The following GUCY2D variants were observed in gnomAD, a reference collection of about 807,000 sequenced individuals.
GUCY2D encodes the protein retinal guanylyl cyclase 1.
GUCY2D carries 70 observed loss-of-function variants against 101.3 expected under a neutral mutation model. That is an observed-to-expected ratio of 0.69 (90% CI 0.57 to 0.84). The LOEUF is 0.84. GUCY2D is among the 40% of genes least tolerant of loss of function. The pLI is 0.00. For missense variants in GUCY2D, 1,460 were observed against 1,542.5 expected (o/e 0.95, Z 0.90); for synonymous variants, 688 against 670.7 (o/e 1.03, Z -0.40).
At chr17:8,006,825 C>A in intron 4 of GUCY2D, 111 bp downstream of exon 4, 2 of 1,033,950 alleles carry the variant, frequency 1.9e-6, no homozygotes, top group Non-Finnish European at 2.9e-6. Context: ...CCCTTCTAGG[C>A]CCTCTCCCAG....
chr17:8,015,623 T>G, intron 15 of GUCY2D, 120 bp from the exon 16 acceptor site: 1 of 1,179,050 alleles, frequency 8.5e-7, no homozygotes, highest in Non-Finnish European at 1.2e-6. Flanking sequence ...GAGGATGCAC[T>G]TAACAAGGCT....
chr17:8,005,669 C>T (rs1975722964), intron 3 of GUCY2D, among the ~76,000 whole-genome samples: 1 of 152,218 alleles, frequency 6.6e-6, no homozygotes. Flanking sequence ...CTGCAGCTCC[C>T]TCAGTTTCCC....
intron 4 of GUCY2D, 102 bp from the exon 5 acceptor site, chr17:8,006,958 C>A: frequency 1.0e-6 from 1 of 985,740 alleles, no homozygotes; most frequent in Non-Finnish European, 1.6e-6. Flanking sequence ...TCTGGGCCCC[C>A]ATCCCCCTTT....
Position 8,007,956 on chromosome 17 carries a change from T to G in GUCY2D, c.1592T>G (p.Leu531Arg). Residue 531 changes from leucine to arginine, a missense_variant, in exon 7 of 20, where the codon CTG (leucine) becomes CGG (arginine). By Grantham distance (102) the Leu-to-Arg change is moderately radical. This residue lies in a region of GUCY2D where 1,196 missense variants were observed against 1,229.6 expected (regional missense o/e 0.97). Coordinates refer to ENST00000254854, the MANE Select transcript of GUCY2D (RefSeq NM_000180.4). ...GTGGCCCAGGGGAGTCGATCAAGTCTGGGTGCCCGCAGCATGTCAGACATT... is the reference window on the plus strand; with the variant it reads ...GTGGCCCAGGGGAGTCGATCAAGTCGGGGTGCCCGCAGCATGTCAGACATT... Reference protein sequence around the residue: ...RKVAQGSRSSLGARSMSDIRS... With the variant: ...RKVAQGSRSSRGARSMSDIRS... 1 of 1,613,592 alleles carries G rather than the reference T, an allele frequency of 6.2e-7. No homozygotes were observed. The highest frequency in any genetic ancestry group is 8.5e-7 in the Non-Finnish European group (1 of 1,179,520).
rs1429807175 is a variant in GUCY2D at position 8,015,939 on chromosome 17, A to C, written c.3056A>C (p.His1019Pro). ...CCCACCGCCACAGCTTACCGCATCCACGTGAACTTGAGCACTGTGGGGATT... is the reference window on the plus strand; with the variant it reads ...CCCACCGCCACAGCTTACCGCATCCCCGTGAACTTGAGCACTGTGGGGATT... Reference protein sequence around the residue: ...MESTGLPYRIHVNLSTVGILR... With the variant: ...MESTGLPYRIPVNLSTVGILR... The change falls in exon 17 of 20, where the codon CAC (histidine) becomes CCC (proline). Residue 1019 changes from histidine to proline, a missense_variant. Physicochemically the swap from His to Pro is moderately conservative, Grantham distance 77 (BLOSUM62 -2). Transcript: ENST00000254854. 1.2e-6 allele frequency: 2 copies of C among 1,611,736 alleles called. No individual in the cohort carries two copies. Among genetic ancestry groups the C allele is most frequent in the South Asian group, 2.2e-5 (2 of 90,516 alleles).
Position 8,011,100 on chromosome 17 carries a change from C to T in GUCY2D, c.1750-1044C>T, listed in dbSNP as rs1470069480. On this transcript the variant is annotated intron_variant, in intron 8 of 19. Transcript: ENST00000254854. The surrounding 1 kb of genome is among the most constrained non-coding windows in gnomAD (Gnocchi z 4.3). ...CTTTGAAAGTGGCACAGCTTCAGGC[C>T]GGGCACCGTGGCTCACGCCTGTAAT... 3.3e-5 allele frequency among the ~76,000 whole-genome samples: 5 copies of T among 151,790 alleles called. No individual in the cohort carries two copies. The highest frequency in any genetic ancestry group is 3.9e-4 in the East Asian group (2 of 5,098).
intron 10 of GUCY2D, 108 bp from the exon 11 acceptor site, chr17:8,012,995 G>T: frequency 1.0e-6 from 1 of 1,001,720 alleles, no homozygotes; most frequent in Admixed American, 2.0e-5. Flanking sequence ...CAGGGTCTCA[G>T]ACCGGTCTCA....
At position 8,014,765 on chromosome 17, in the gene GUCY2D, G is replaced by T; in HGVS notation, c.2576+1G>T. On this transcript the variant is annotated splice_donor_variant, in intron 13 of 19. Coordinates refer to ENST00000254854, the MANE Select transcript of GUCY2D (RefSeq NM_000180.4). LOFTEE classifies it high-confidence loss of function. This position sits in a 1 kb window ranked among gnomAD's most constrained non-coding sequence, Gnocchi z 4.0. ...GGCTGCTTACACAGATGCTGCCTCC[G>T]TGGGTGCCAGTGGGAAGGGGTGGGC... The T allele has an allele frequency of 6.2e-7, 1 of 1,612,950 alleles. No individual in the cohort carries two copies. The highest frequency in any genetic ancestry group is 8.5e-7 in the Non-Finnish European group (1 of 1,179,396).
At position 8,013,151 on chromosome 17, in the gene GUCY2D, G is replaced by T; in HGVS notation, c.2162G>T (p.Arg721Leu). 1 of 1,613,806 alleles carries T rather than the reference G, an allele frequency of 6.2e-7. No homozygotes were observed. The highest frequency in any genetic ancestry group is 1.3e-5 in the African/African-American group (1 of 75,024). Residue 721 changes from arginine to leucine, a missense_variant, in exon 11 of 20, where the codon CGC becomes CTC. Physicochemically the swap from Arg to Leu is moderately radical, Grantham distance 102. Coordinates refer to ENST00000254854, the MANE Select transcript of GUCY2D (RefSeq NM_000180.4). The surrounding 1 kb of genome is among the most constrained non-coding windows in gnomAD (Gnocchi z 5.0). ...PELLRDPALERRGTLAGDVFS... is the reference protein window; with the variant it reads ...PELLRDPALELRGTLAGDVFS... ...CTGCTTAGGGACCCAGCCCTGGAGC[G>T]CCGGGGAACGCTGGCCGGCGACGTC...
rs778736663 is a variant in GUCY2D, at chr17:8,016,300, C to T, written c.3224+10C>T. Reference sequence around the variant, plus strand: ...CTGACCTGCAACCGGGGTGAGGGGCCGGCCTCCGCGGCAGGGCGAGGGACG... The same window carrying T: ...CTGACCTGCAACCGGGGTGAGGGGCTGGCCTCCGCGGCAGGGCGAGGGACG... On this transcript the variant is annotated intron_variant, in intron 18 of 19. Coordinates refer to ENST00000254854, the MANE Select transcript of GUCY2D (RefSeq NM_000180.4). 32 of 1,547,850 alleles carry T rather than the reference C, an allele frequency of 2.1e-5. No individual in the cohort carries two copies. The highest frequency in any genetic ancestry group is 1.7e-4 in the Middle Eastern group (1 of 5,970).
rs1413040642 is a variant in GUCY2D, at chr17:8,015,447, C to A, written c.2889C>A (p.Phe963Leu). 1.9e-6 allele frequency: 3 copies of A among 1,613,550 alleles called. No homozygotes were observed. In the South Asian group the frequency reaches 3.3e-5, roughly 18 times the overall value. The change falls in exon 15 of 20, where the codon TTC (phenylalanine) becomes TTA (leucine). Residue 963 changes from phenylalanine to leucine, a missense_variant. By Grantham distance (22) the Phe-to-Leu change is conservative. This residue lies in a region of GUCY2D where 215 missense variants were observed against 227.9 expected (regional missense o/e 0.94). Coordinates refer to ENST00000254854, the MANE Select transcript of GUCY2D (RefSeq NM_000180.4). ...SLDILSAVGT[F>L]RMRHMPEVPV... ...ACATCCTCAGTGCCGTGGGCACTTT[C>A]CGCATGCGCCATATGCCTGAGGTTC...
chr17:8,019,007 T>G (rs1976025062), intron 19 of GUCY2D, among the ~76,000 whole-genome samples: 2 of 152,178 alleles, frequency 1.3e-5, no homozygotes, highest in African/African-American at 4.8e-5. Context: ...TTAAAAACAT[T>G]TTAAATTGAA....
At chr17:8,018,293 G>C (rs1976013231) in intron 19 of GUCY2D, among the ~76,000 whole-genome samples, 1 of 152,168 alleles carries the variant, frequency 6.6e-6, no homozygotes, top group South Asian at 2.1e-4. Context: ...TGGTTGGTGG[G>C]CCAGGGTCGG....
In GUCY2D at chr17:8,003,603, C is replaced by T. The variant is rs780449707; in HGVS notation, c.556C>T (p.Leu186=). The T allele has an allele frequency of 6.3e-7, 1 of 1,588,842 alleles. No individual in the cohort carries two copies. The highest frequency in any genetic ancestry group is 1.7e-5 in the Admixed American group (1 of 59,440). Residue 186 remains leucine (L), a synonymous_variant, in exon 2 of 20, where the codon CTG becomes TTG. Coordinates refer to ENST00000254854, the MANE Select transcript of GUCY2D (RefSeq NM_000180.4). ...LRAFGWARVA[L]VTAPQDLWVE... ...CGCATTCGGCTGGGCGCGCGTGGCC[C>T]TGGTCACCGCCCCCCAGGACCTGTG...
rs558182614 is a variant in GUCY2D at position 8,003,980 on chromosome 17, G to A, written c.850G>A (p.Ala284Thr). 6.2e-7 allele frequency: 1 copy of A among 1,613,666 alleles called. No homozygotes were observed. Among genetic ancestry groups the A allele is most frequent in the East Asian group, 2.2e-5 (1 of 44,878 alleles). The stretch of plus-strand genomic sequence containing the variant: ...CCTGCCCTTCGACACGATCCACTAC[G>A]CCTTGTCCCCAGGCCCGGAGGCCTT... ...VFLPFDTIHY[A>T]LSPGPEALAA... The change falls in exon 3 of 20, where the codon GCC becomes ACC. Residue 284 changes from alanine (A) to threonine (T), a missense_variant. Physicochemically the swap from Ala to Thr is moderately conservative, Grantham distance 58. This residue lies in a region of GUCY2D where 1,196 missense variants were observed against 1,229.6 expected (regional missense o/e 0.97). Coordinates refer to ENST00000254854, the MANE Select transcript of GUCY2D (RefSeq NM_000180.4).
intron 19 of GUCY2D, among the ~76,000 whole-genome samples, chr17:8,017,665 C>G (rs1044736063): frequency 6.6e-6 from 1 of 152,166 alleles, no homozygotes; most frequent in Admixed American, 6.5e-5. Flanking sequence ...GCTGAGCAAG[C>G]AGTTGGACAG....
At position 8,007,463 on chromosome 17, in the gene GUCY2D, A is replaced by AT; in HGVS notation, c.1501_1502insT (p.Asn501IlefsTer56). On this transcript the variant is annotated frameshift_variant, in exon 6 of 20. Coordinates refer to ENST00000254854, the MANE Select transcript of GUCY2D (RefSeq NM_000180.4). LOFTEE classifies it high-confidence loss of function. Reference sequence around the variant, plus strand: ...TCACATGCAAATGGTCTCCGGCCCCAACAAGATCATCCTGACCGTGGACGA... The same window carrying AT: ...TCACATGCAAATGGTCTCCGGCCCCATACAAGATCATCCTGACCGTGGACGA... 6.2e-7 allele frequency: 1 copy of AT among 1,613,860 alleles called. No homozygotes were observed. Among genetic ancestry groups the AT allele is most frequent in the Non-Finnish European group, 8.5e-7 (1 of 1,179,746 alleles).
chr17:8,013,036 A>C lies in GUCY2D; in HGVS notation c.2114-67A>C. 1 of 1,521,120 alleles carries C rather than the reference A, an allele frequency of 6.6e-7. No homozygotes were observed. The highest frequency in any genetic ancestry group is 9.0e-7 in the Non-Finnish European group (1 of 1,111,182). 94.2% of individuals were successfully genotyped at this position (1,521,120 alleles called of 1,614,324 possible). On this transcript the variant is annotated intron_variant, in intron 10 of 19. Transcript: ENST00000254854. The surrounding 1 kb of genome is among the most constrained non-coding windows in gnomAD (Gnocchi z 5.0). ...CAGGGTTGGTGGTGTCTGGGTGCCA[A>C]CCTGGGCTTTCTGGTGAGGGTGGGA...
chr17:8,009,561 C>T lies in GUCY2D; in HGVS notation c.1724C>T (p.Pro575Leu), dbSNP rs28743021. ...FPGDQHIAIRPATKTAFSKLQ... is the reference protein window; with the variant it reads ...FPGDQHIAIRLATKTAFSKLQ... ...GGGGATCAGCACATAGCTATCCGCCCAGCAACCAAGACGGCCTTCTCCAAG... is the reference window on the plus strand; with the variant it reads ...GGGGATCAGCACATAGCTATCCGCCTAGCAACCAAGACGGCCTTCTCCAAG... The change falls in exon 8 of 20, where the codon CCA (proline) becomes CTA (leucine). Residue 575 changes from proline (P) to leucine (L), a missense_variant. Around this residue, in one of 3 missense-constraint regions of GUCY2D, gnomAD observed 1,196 missense variants for 1,229.6 expected, o/e 0.97. Transcript: ENST00000254854. 2.8e-3 allele frequency: 4,522 copies of T among 1,613,414 alleles called. 114 individuals are homozygous for T. The African/African-American group carries it at 0.05, about 18-fold the overall frequency.
Sources: gnomAD v4.1 joint callset for allele counts (sites outside exome capture counted in the v4.1 genomes callset) on GRCh38, gnomAD v4.1.1 for gene constraint, gnomAD v4.1.1 regional missense constraint, Gnocchi (gnomAD v3.1) non-coding constraint, MANE v1.5 for transcripts, NCBI Gene and HGNC (gene_info 2026-07-23, HGNC 2026-07-21) for gene names.